Variants in CPLX2 observed in about 807,000 individuals in gnomAD.
CPLX2 encodes complexin-2.
Under a neutral mutation model 16.3 loss-of-function variants are expected in CPLX2, and 5 were observed. The ratio of observed to expected loss-of-function variants is 0.31; its 90% CI spans 0.16 to 0.64. CPLX2 has a LOEUF of 0.64. Among genes scored for constraint, CPLX2 ranks in the 30% least tolerant of loss-of-function variants. The pLI is 0.79. For synonymous variants in CPLX2, 89 were observed against 73.2 expected (o/e 1.22, Z -1.10); for missense variants, 144 against 181.4 (o/e 0.79, Z 1.18).
intron 1 of CPLX2, among the ~76,000 whole-genome samples, chr5:175,801,168 A>AAAC (rs915722059): frequency 1.3e-5 from 2 of 151,416 alleles, no homozygotes; most frequent in Non-Finnish European, 3.0e-5. Flanking sequence ...TGTTAAAAAA[A>AAAC]AAAAAAAACT....
chr5:175,822,365 T>A (rs1018345920), intron 2 of CPLX2, among the ~76,000 whole-genome samples: 2 of 152,154 alleles, frequency 1.3e-5, no homozygotes, highest in African/African-American at 4.8e-5. Flanking sequence ...CAGACCAGGG[T>A]CTCAGCCCAG....
chr5:175,834,654 C>T lies in CPLX2; in HGVS notation c.-89+25586C>T, dbSNP rs143469876. On this transcript the variant is annotated intron_variant, in intron 2 of 4. Coordinates refer to the CPLX2 transcript ENST00000359546. ...TTGGCAGGCCGAAGTGGACAGATCACGAGGTCAGGAGACATCAAGACCATC... is the reference window on the plus strand; with the variant it reads ...TTGGCAGGCCGAAGTGGACAGATCATGAGGTCAGGAGACATCAAGACCATC... 5.1e-4 allele frequency among the ~76,000 whole-genome samples: 77 copies of T among 152,240 alleles called. 1 individual carries two copies. The highest frequency in any genetic ancestry group is 1.5e-3 in the African/African-American group (62 of 41,538).
At chr5:175,803,674 C>G (rs1056157440) in intron 1 of CPLX2, among the ~76,000 whole-genome samples, 4 of 152,202 alleles carry the variant, frequency 2.6e-5, no homozygotes, top group African/African-American at 9.7e-5. Flanking sequence ...CTGAGGGAGT[C>G]TCTTTGGGAG....
chr5:175,874,173 C>T (rs1048832047), intron 1 of CPLX2, among the ~76,000 whole-genome samples: 1 of 152,112 alleles, frequency 6.6e-6, no homozygotes, highest in African/African-American at 2.4e-5. Context: ...CACGTGGAGG[C>T]TGGATGAGAG....
chr5:175,861,431 G>C (rs561952622), intron 2 of CPLX2, among the ~76,000 whole-genome samples: 2 of 152,334 alleles, frequency 1.3e-5, no homozygotes, highest in Non-Finnish European at 2.9e-5. Context: ...GTCAGATCAA[G>C]AGGGGCCCTA....
chr5:175,815,016 G>A (rs1018892266), intron 2 of CPLX2, among the ~76,000 whole-genome samples: 2 of 152,236 alleles, frequency 1.3e-5, no homozygotes, highest in African/African-American at 4.8e-5. Flanking sequence ...TCACCAGAAG[G>A]AGGAGGAGTG....
At chr5:175,865,088 G>GCA (rs1340408167) in intron 2 of CPLX2, among the ~76,000 whole-genome samples, 4,767 of 150,650 alleles carry the variant, frequency 0.032, 247 homozygotes, top group African/African-American at 0.11. Flanking sequence ...ATGTGCGCGC[G>GCA]CGCACACACA....
At position 175,879,702 on chromosome 5, in the gene CPLX2, A is replaced by T. The variant is rs146021199; in HGVS notation, c.208-146A>T. 4.7e-4 allele frequency: 358 copies of T among 767,058 alleles called. 1 individual carries two copies. In the African/African-American group the frequency reaches 5.3e-3, roughly 11 times the overall value. The allele number at this position is 767,058 out of a possible 1,614,324, so 47.5% of individuals were successfully genotyped here. A position where few individuals can be genotyped will look rare whatever the true frequency, so the allele number is the denominator to read the frequency against. On this transcript the variant is annotated intron_variant, in intron 3 of 3. Transcript: ENST00000393745. The stretch of plus-strand genomic sequence containing the variant: ...GACCAGGCACCATCCTACAGGGAAG[A>T]CACCCTTATCCCCACTTTACTAATG...
intron 3 of CPLX2, 137 bp downstream of exon 3, chr5:175,879,220 C>T (rs751211435): frequency 1.5e-5 from 14 of 931,472 alleles, no homozygotes; most frequent in Non-Finnish European, 2.1e-5. Flanking sequence ...TTCTCATCAG[C>T]AAAACGGGTA....
At chr5:175,870,681 AT>A (rs1437410107), upstream of CPLX2, among the ~76,000 whole-genome samples, 7 of 152,302 alleles carry the variant, frequency 4.6e-5, no homozygotes, top group East Asian at 1.4e-3. Context: ...GTGGGAGCAG[AT>A]GTTGTCCTGC....
chr5:175,820,148 C>T (rs1437134170), intron 2 of CPLX2, among the ~76,000 whole-genome samples: 3 of 152,174 alleles, frequency 2.0e-5, no homozygotes, highest in Non-Finnish European at 2.9e-5. Flanking sequence ...CACCACCCAC[C>T]GTGTGGCCCT....
chr5:175,834,413 G>A (rs1196088379), intron 2 of CPLX2, among the ~76,000 whole-genome samples: 3 of 152,196 alleles, frequency 2.0e-5, no homozygotes, highest in African/African-American at 7.2e-5. Flanking sequence ...ATCTAACAAT[G>A]GACTAAGTAG....
At chr5:175,860,972 G>A (rs1201706446) in intron 2 of CPLX2, among the ~76,000 whole-genome samples, 1 of 150,062 alleles carries the variant, frequency 6.7e-6, no homozygotes, top group East Asian at 2.0e-4. Flanking sequence ...ATCTCATGGG[G>A]TTATGTGTGT....
chr5:175,808,560 A>G (rs1189446064), intron 1 of CPLX2, among the ~76,000 whole-genome samples: 3 of 152,190 alleles, frequency 2.0e-5, no homozygotes, highest in East Asian at 3.9e-4. Context: ...GGCCAGTAGT[A>G]TTAGGCATCC....
At chr5:175,813,807 A>G (rs776923791) in intron 2 of CPLX2, among the ~76,000 whole-genome samples, 3 of 152,260 alleles carry the variant, frequency 2.0e-5, no homozygotes, top group East Asian at 1.9e-4. Context: ...GAGAGTCTCA[A>G]TTGAAGGTTA....
intron 2 of CPLX2, among the ~76,000 whole-genome samples, chr5:175,852,966 CA>C (rs777019199): frequency 2.6e-5 from 4 of 152,238 alleles, no homozygotes; most frequent in Non-Finnish European, 4.4e-5. Context: ...ACGTCCTCAG[CA>C]GTCTCTAATG....
chr5:175,832,955 A>C lies in CPLX2; in HGVS notation c.-89+23887A>C, dbSNP rs141834107. 1.1e-3 allele frequency among the ~76,000 whole-genome samples: 166 copies of C among 152,280 alleles called. 2 individuals are homozygous for C. Among genetic ancestry groups the C allele is most frequent in the Admixed American group, 7.6e-3 (116 of 15,304 alleles). On this transcript the variant is annotated intron_variant, in intron 2 of 4. Transcript: ENST00000359546. Reference sequence around the variant, plus strand: ...AGATCTACCTGAGGTCAGAAGTTCAAGACCAAGCTGGCCAACATGGTAAAA... The same window carrying C: ...AGATCTACCTGAGGTCAGAAGTTCACGACCAAGCTGGCCAACATGGTAAAA...
At position 175,805,213 on chromosome 5, in the gene CPLX2, G is replaced by A. The variant is rs77243938; in HGVS notation, c.-168-3776G>A. On this transcript the variant is annotated intron_variant, in intron 1 of 4. Coordinates refer to the CPLX2 transcript ENST00000359546. The stretch of plus-strand genomic sequence containing the variant: ...CCATTTGTAAAGCATTTCAGTTGAC[G>A]CCATTTCAGCCAACCCTAATAACCC... 4.1e-3 allele frequency among the ~76,000 whole-genome samples: 621 copies of A among 152,192 alleles called. 6 individuals are homozygous for A. Among genetic ancestry groups the A allele is most frequent in the African/African-American group, 0.014 (585 of 41,530 alleles).
At chr5:175,802,608 C>T (rs1182474206) in intron 1 of CPLX2, among the ~76,000 whole-genome samples, 3 of 152,168 alleles carry the variant, frequency 2.0e-5, no homozygotes, top group Non-Finnish European at 4.4e-5. Context: ...TCAGCCCTGG[C>T]TCTCACATCA....
Sources: allele counts gnomAD v4.1 joint callset (sites outside exome capture counted in the v4.1 genomes callset), GRCh38; gene constraint gnomAD v4.1.1; transcripts MANE v1.5; gene names NCBI Gene and HGNC (gene_info 2026-07-23, HGNC 2026-07-21).